Variants in RAI1 observed in about 807,000 individuals in gnomAD.
The protein encoded by RAI1 is retinoic acid induced 1.
RAI1 carries 9 observed loss-of-function variants against 123.8 expected under a neutral mutation model. The ratio of observed to expected loss-of-function variants is 0.07; its 90% CI spans 0.04 to 0.13. The LOEUF is 0.13. Ranked by LOEUF, RAI1 falls within the 10% of genes least tolerant of loss-of-function variation. The probability of loss-of-function intolerance (pLI) is 1.00; values close to 1 mark genes in which losing one functional copy is unlikely to be tolerated. For missense variants in RAI1, 2,256 were observed against 2,545.8 expected (o/e 0.89, Z 2.45); for synonymous variants, 1,231 against 1,127.3 (o/e 1.09, Z -1.84).
At chr17:17,752,388 G>A (rs1163751174) in intron 2 of RAI1, among the ~76,000 whole-genome samples, 1 of 152,010 alleles carries the variant, frequency 6.6e-6, no homozygotes, top group East Asian at 1.9e-4. Context: ...CGGGGCCCCC[G>A]GGGCGAGGCT....
chr17:17,746,225 G>A (rs1203485661), intron 2 of RAI1, among the ~76,000 whole-genome samples: 1 of 152,196 alleles, frequency 6.6e-6, no homozygotes, highest in East Asian at 1.9e-4. Context: ...GCCCCCACTC[G>A]CCATCTCCGA....
intron 1 of RAI1, among the ~76,000 whole-genome samples, chr17:17,705,581 C>T (rs1278230406): frequency 7.2e-6 from 1 of 138,970 alleles, no homozygotes; most frequent in African/African-American, 2.5e-5. Flanking sequence ...CAAAAACGAG[C>T]CAGGTGTGGT....
chr17:17,782,933 C>T (rs1262974844), intron 2 of RAI1, among the ~76,000 whole-genome samples: 1 of 152,212 alleles, frequency 6.6e-6, no homozygotes, highest in Non-Finnish European at 1.5e-5. Context: ...GCGCCCCTTG[C>T]CGCCGCCGCG....
intron 4 of RAI1, among the ~76,000 whole-genome samples, chr17:17,807,830 C>G (rs2032624509): frequency 6.6e-6 from 1 of 152,224 alleles, no homozygotes; most frequent in Non-Finnish European, 1.5e-5. Flanking sequence ...TCTGGCTTGC[C>G]TGAGCCAAGG....
chr17:17,682,546 C>T (rs1403570996), intron 1 of RAI1: 3 of 152,256 alleles, frequency 2.0e-5, no homozygotes, highest in East Asian at 1.9e-4. Flanking sequence ...CCGGCCCCCC[C>T]TCTCACGCGC....
chr17:17,692,338 A>G (rs1039556655), intron 1 of RAI1, among the ~76,000 whole-genome samples: 1 of 152,198 alleles, frequency 6.6e-6, no homozygotes, highest in Non-Finnish European at 1.5e-5. Flanking sequence ...GGTTCCTCTA[A>G]TATGTGAATA....
chr17:17,687,584 C>T (rs1325095928), intron 1 of RAI1, among the ~76,000 whole-genome samples: 5 of 151,926 alleles, frequency 3.3e-5, no homozygotes, highest in Admixed American at 2.0e-4. Flanking sequence ...ATCTGGAAGG[C>T]GAGATAGGGT....
intron 1 of RAI1, among the ~76,000 whole-genome samples, chr17:17,701,864 C>T (rs1915235029): frequency 6.6e-6 from 1 of 152,234 alleles, no homozygotes; most frequent in Admixed American, 6.5e-5. Flanking sequence ...GCCACCCAGC[C>T]CTGGTCCTGC....
Position 17,809,891 on chromosome 17 carries a change from G to T in RAI1, c.5710-79G>T. 6.5e-7 allele frequency: 1 copy of T among 1,544,698 alleles called. No homozygotes were observed. The highest frequency in any genetic ancestry group is 8.7e-7 in the Non-Finnish European group (1 of 1,143,656). On this transcript the variant is annotated intron_variant, in intron 5 of 5. Coordinates refer to ENST00000353383, the MANE Select transcript of RAI1 (RefSeq NM_030665.4). The surrounding 1 kb of genome is among the most constrained non-coding windows in gnomAD (Gnocchi z 4.9). ...TCGCCTGGGTCTGGGGCTTAGGCGGGGGGCCCACACTGGGGGCGGGGCCTA... is the reference window on the plus strand; with the variant it reads ...TCGCCTGGGTCTGGGGCTTAGGCGGTGGGCCCACACTGGGGGCGGGGCCTA...
chr17:17,754,355 G>A, intron 2 of RAI1, among the ~76,000 whole-genome samples: 1 of 151,982 alleles, frequency 6.6e-6, no homozygotes, highest in East Asian at 1.9e-4. Context: ...TCCTGCCTCA[G>A]CCTCCCGAGT....
At chr17:17,733,150 C>T (rs1349039868) in intron 2 of RAI1, among the ~76,000 whole-genome samples, 1 of 152,186 alleles carries the variant, frequency 6.6e-6, no homozygotes, top group Non-Finnish European at 1.5e-5. Flanking sequence ...TGGAGCTTGC[C>T]ACCCTGCTTA....
chr17:17,689,872 G>A (rs1332920512), intron 1 of RAI1, among the ~76,000 whole-genome samples: 2 of 152,152 alleles, frequency 1.3e-5, no homozygotes, highest in Non-Finnish European at 2.9e-5. Context: ...CCAGCTTGGT[G>A]CTGGAGGAGG....
In RAI1 at chr17:17,810,118, C is replaced by T; in HGVS notation, c.*137C>T. ...TCCAGAGCCGATCCTTGATCCGGGT[C>T]CCGGATCGTGGATCCGGCCGCCTAG... On this transcript the variant is annotated 3_prime_UTR_variant, in exon 6 of 6. Coordinates refer to ENST00000353383, the MANE Select transcript of RAI1 (RefSeq NM_030665.4). The surrounding 1 kb of genome is among the most constrained non-coding windows in gnomAD (Gnocchi z 4.6). The T allele has an allele frequency of 2.4e-6, 3 of 1,264,084 alleles. No homozygotes were observed. Among genetic ancestry groups the T allele is most frequent in the Non-Finnish European group, 3.2e-6 (3 of 941,262 alleles). The allele number at this position is 1,264,084 out of a possible 1,614,324, so 78.3% of individuals were successfully genotyped here.
intron 2 of RAI1, among the ~76,000 whole-genome samples, chr17:17,792,283 G>T (rs558612509): frequency 2.0e-5 from 3 of 152,148 alleles, no homozygotes; most frequent in Non-Finnish European, 2.9e-5. Flanking sequence ...TCCAGATGGC[G>T]TGGCAGTGAT....
chr17:17,741,844 G>A (rs1400453977), intron 2 of RAI1, among the ~76,000 whole-genome samples: 1 of 152,266 alleles, frequency 6.6e-6, no homozygotes, highest in African/African-American at 2.4e-5. Flanking sequence ...CACGGCCGTT[G>A]CTTCGGTGCC....
intron 2 of RAI1, among the ~76,000 whole-genome samples, chr17:17,746,638 T>TC (rs1353846093): frequency 1.6e-4 from 24 of 147,646 alleles, no homozygotes; most frequent in East Asian, 9.7e-4. Context: ...TCTTTTCTTT[T>TC]TTTTTTTTTT....
chr17:17,694,915 C>T (rs1914969375), intron 1 of RAI1, among the ~76,000 whole-genome samples: 1 of 152,084 alleles, frequency 6.6e-6, no homozygotes, highest in African/African-American at 2.4e-5. Context: ...AGCGTTGCGG[C>T]CGGCGCTTGC....
chr17:17,763,609 C>T (rs994558012), intron 2 of RAI1, among the ~76,000 whole-genome samples: 8 of 152,284 alleles, frequency 5.3e-5, no homozygotes, highest in Non-Finnish European at 1.0e-4. Flanking sequence ...GGCACAGGTA[C>T]GGGGGCCCAG....
At chr17:17,783,245 G>T (rs1391275790) in intron 2 of RAI1, among the ~76,000 whole-genome samples, 3 of 152,070 alleles carry the variant, frequency 2.0e-5, no homozygotes, top group Admixed American at 6.5e-5. Flanking sequence ...GGGACTGGGC[G>T]CGGGGACGGG....
Sources: gnomAD v4.1 joint callset for allele counts (sites outside exome capture counted in the v4.1 genomes callset) on GRCh38, gnomAD v4.1.1 for gene constraint, Gnocchi (gnomAD v3.1) non-coding constraint, MANE v1.5 for transcripts, NCBI Gene and HGNC (gene_info 2026-07-23, HGNC 2026-07-21) for gene names.